The following ENTPD3 variants were observed in gnomAD, a reference collection of about 807,000 sequenced individuals.
ENTPD3 encodes the protein ectonucleoside triphosphate diphosphohydrolase 3, also known as CD39 antigen-like 3.
A neutral mutation model predicts 51.2 loss-of-function variants in ENTPD3; 60 were observed. The observed-to-expected ratio is 1.17, with a 90% CI of 0.95 to 1.45. The LOEUF is 1.45. ENTPD3 is among the 40% of genes most tolerant of loss of function. The probability of loss-of-function intolerance (pLI) is 0.00; values close to 1 mark genes in which losing one functional copy is unlikely to be tolerated. For missense variants in ENTPD3, 593 were observed against 641.1 expected, an observed-to-expected ratio of 0.93 and a Z score of 0.81; for synonymous variants, 221 against 238.4, an observed-to-expected ratio of 0.93 and a Z score of 0.67.
At chr3:40,425,828 G>A (rs1955969738) in intron 10 of ENTPD3, among the ~76,000 whole-genome samples, 1 of 148,444 alleles carries the variant, frequency 6.7e-6, no homozygotes, top group Non-Finnish European at 1.5e-5. Context: ...AAACTGGGAG[G>A]TGGAGGTTGC....
At chr3:40,399,294 T>TC (rs1955287188) in intron 3 of ENTPD3, among the ~76,000 whole-genome samples, 1 of 152,342 alleles carries the variant, frequency 6.6e-6, no homozygotes, top group East Asian at 1.9e-4. Context: ...TGCTTTGTTT[T>TC]CTTTTCTGTT....
chr3:40,417,373 A>C (rs1955769660), intron 7 of ENTPD3, among the ~76,000 whole-genome samples: 1 of 152,210 alleles, frequency 6.6e-6, no homozygotes, highest in Non-Finnish European at 1.5e-5. Context: ...ATCATAGTAG[A>C]AGGCGAAGCG....
rs1384135425 is a variant in ENTPD3 at position 40,420,495 on chromosome 3, T to C, written c.832-2355T>C. On this transcript the variant is annotated intron_variant, in intron 7 of 10. Coordinates refer to ENST00000301825, the MANE Select transcript of ENTPD3 (RefSeq NM_001248.4). The stretch of plus-strand genomic sequence containing the variant: ...ACCTCGTGATCCGCCCGCCTTGGCC[T>C]CCCAAAGTGCTGGAATTACACGTGT... Among the ~76,000 whole-genome samples, 6 of 152,210 alleles carry C rather than the reference T, an allele frequency of 3.9e-5. No homozygotes were observed. In the East Asian group the frequency reaches 9.7e-4, roughly 25 times the overall value.
intron 4 of ENTPD3, 77 bp downstream of exon 4, chr3:40,401,088 T>C (rs1458262015): frequency 1.9e-6 from 1 of 529,514 alleles, no homozygotes; most frequent in African/African-American, 1.8e-5. Context: ...CCTGGAGAGG[T>C]CCTGAGATGT....
chr3:40,427,204 T>C, intron 10 of ENTPD3, 68 bp from the exon 11 acceptor site: 1 of 1,279,238 alleles, frequency 7.8e-7, no homozygotes. Flanking sequence ...GATAGCAGTA[T>C]GACTCCGGTA....
At chr3:40,423,470 G>A (rs1955921954) in intron 9 of ENTPD3, 69 bp downstream of exon 9, 2 of 1,134,390 alleles carry the variant, frequency 1.8e-6, no homozygotes, top group Non-Finnish European at 2.6e-6. Flanking sequence ...CTATGTGTGT[G>A]TATTCTGAAT....
At chr3:40,424,987 T>C (rs748942492) in intron 10 of ENTPD3, 5 of 418,548 alleles carry the variant, frequency 1.2e-5, no homozygotes, top group Non-Finnish European at 2.2e-5. Context: ...TAAATCTAAT[T>C]ACCAGTAAAG....
rs1955909460 is a variant in ENTPD3 at position 40,422,979 on chromosome 3, G to A, written c.961G>A (p.Asp321Asn). The A allele has an allele frequency of 6.2e-7, 1 of 1,613,926 alleles. No homozygotes were observed. The highest frequency in any genetic ancestry group is 8.5e-7 in the Non-Finnish European group (1 of 1,179,992). Residue 321 changes from aspartate (D) to asparagine (N), a missense_variant, in exon 8 of 11, where the codon GAT (aspartate) becomes AAT (asparagine). Asp to Asn is a conservative substitution (Grantham distance 23, BLOSUM62 1). Coordinates refer to ENST00000301825, the MANE Select transcript of ENTPD3 (RefSeq NM_001248.4). ...GAGGCCAGAAAGTTATAACCCCAATGATGTCATCACTTTTGAAGGAACTGG... is the reference window on the plus strand; with the variant it reads ...GAGGCCAGAAAGTTATAACCCCAATAATGTCATCACTTTTGAAGGAACTGG... ...DQRPESYNPNDVITFEGTGDP... is the reference protein window; with the variant it reads ...DQRPESYNPNNVITFEGTGDP...
chr3:40,391,803 C>T lies in ENTPD3; in HGVS notation c.41-220C>T, dbSNP rs114656199. On this transcript the variant is annotated intron_variant, in intron 2 of 10. Coordinates refer to ENST00000301825, the MANE Select transcript of ENTPD3 (RefSeq NM_001248.4). Reference sequence around the variant, plus strand: ...CTCCCTGCAACACTGTTTTAGTACACAATTTGTGAGGAAGGGCAAATAGGT... The same window carrying T: ...CTCCCTGCAACACTGTTTTAGTACATAATTTGTGAGGAAGGGCAAATAGGT... 616 of 589,832 alleles carry T rather than the reference C, an allele frequency of 1.0e-3. 3 individuals carry two copies. The highest frequency in any genetic ancestry group is 7.7e-3 in the African/African-American group (412 of 53,702). The allele number at this position is 589,832 out of a possible 1,614,324, so 36.5% of individuals were successfully genotyped here. A position where few individuals can be genotyped will look rare whatever the true frequency, so the allele number is the denominator to read the frequency against.
chr3:40,422,849 G>T lies in ENTPD3; in HGVS notation c.832-1G>T, dbSNP rs776381505. 1 of 1,609,748 alleles carries T rather than the reference G, an allele frequency of 6.2e-7. No homozygotes were observed. The highest frequency in any genetic ancestry group is 2.2e-5 in the East Asian group (1 of 44,852). ...CTAACACCTTACTCTTATACCTACAGAATTCTCCTACCAAAAACCATCTCA... is the reference window on the plus strand; with the variant it reads ...CTAACACCTTACTCTTATACCTACATAATTCTCCTACCAAAAACCATCTCA... On this transcript the variant is annotated splice_acceptor_variant, in intron 7 of 10. Coordinates refer to ENST00000301825, the MANE Select transcript of ENTPD3 (RefSeq NM_001248.4). LOFTEE classifies it high-confidence loss of function.
rs529200594 is a variant in ENTPD3 at position 40,428,031 on chromosome 3, A to C, written c.*523A>C. 1 of 159,006 alleles carries C rather than the reference A, an allele frequency of 6.3e-6. No individual in the cohort carries two copies. The highest frequency in any genetic ancestry group is 1.9e-4 in the East Asian group (1 of 5,398). The allele number at this position is 159,006 out of a possible 1,614,324, so 9.8% of individuals were successfully genotyped here. A position where few individuals can be genotyped will look rare whatever the true frequency, so the allele number is the denominator to read the frequency against. ...ATATAGTATCTGGGGGAGAAGACTTACTTCCTTCAGGGCAGCAGCCACAGC... is the reference window on the plus strand; with the variant it reads ...ATATAGTATCTGGGGGAGAAGACTTCCTTCCTTCAGGGCAGCAGCCACAGC... On this transcript the variant is annotated 3_prime_UTR_variant, in exon 11 of 11. Coordinates refer to ENST00000301825, the MANE Select transcript of ENTPD3 (RefSeq NM_001248.4).
In ENTPD3 at chr3:40,400,997, A is replaced by C; in HGVS notation, c.272A>C (p.Lys91Thr). The C allele has an allele frequency of 4.3e-6, 7 of 1,612,628 alleles. No individual in the cohort carries two copies. The highest frequency in any genetic ancestry group is 5.9e-6 in the Non-Finnish European group (7 of 1,178,690). Reference sequence around the variant, plus strand: ...ACCGGAGTGGTCAGTCAAACCTTCAAATGTAGTGTGAAAGGTAAGGACTGA... The same window carrying C: ...ACCGGAGTGGTCAGTCAAACCTTCACATGTAGTGTGAAAGGTAAGGACTGA... ...NNTGVVSQTFKCSVKGSGISS... is the reference protein window; with the variant it reads ...NNTGVVSQTFTCSVKGSGISS... The change falls in exon 4 of 11, where the codon AAA becomes ACA. Residue 91 changes from lysine (K) to threonine (T), a missense_variant. Coordinates refer to ENST00000301825, the MANE Select transcript of ENTPD3 (RefSeq NM_001248.4).
chr3:40,399,042 C>T (rs1228381334), intron 3 of ENTPD3, among the ~76,000 whole-genome samples: 5 of 152,054 alleles, frequency 3.3e-5, no homozygotes, highest in Non-Finnish European at 5.9e-5. Context: ...GGAAACATGG[C>T]GAAACCCTGT....
chr3:40,423,242 T>C (rs917995882), intron 8 of ENTPD3, 49 bp from the exon 9 acceptor site: 3 of 1,571,270 alleles, frequency 1.9e-6, no homozygotes, highest in African/African-American at 2.7e-5. Context: ...AACCTTTCTA[T>C]TATACCCCAT....
chr3:40,403,947 C>T (rs17078916), intron 4 of ENTPD3, among the ~76,000 whole-genome samples: 38,297 of 152,072 alleles, frequency 0.25, 5,907 homozygotes, highest in East Asian at 0.51. Flanking sequence ...CTGCACCCAG[C>T]GGATATTTTC....
chr3:40,402,123 C>CTTTTTCTTT (rs1553643067), intron 4 of ENTPD3, among the ~76,000 whole-genome samples: 1 of 95,024 alleles, frequency 1.1e-5, no homozygotes, highest in East Asian at 3.6e-4. Flanking sequence ...TTTTTTTTTT[C>CTTTTTCTTT]TTTTTTTTTT....
At chr3:40,424,430 G>A (rs894291558) in intron 10 of ENTPD3, among the ~76,000 whole-genome samples, 1 of 152,120 alleles carries the variant, frequency 6.6e-6, no homozygotes, top group East Asian at 1.9e-4. Context: ...ACAGGCCTTA[G>A]GGCCTGATGG....
At chr3:40,414,306 G>A (rs1284720870) in intron 5 of ENTPD3, among the ~76,000 whole-genome samples, 1 of 152,174 alleles carries the variant, frequency 6.6e-6, no homozygotes, top group African/African-American at 2.4e-5. Context: ...GCCTCCAAGA[G>A]ATTATTTATG....
At position 40,411,835 on chromosome 3, in the gene ENTPD3, A is replaced by G; in HGVS notation, c.310A>G (p.Asn104Asp). 1.3e-6 allele frequency: 2 copies of G among 1,590,658 alleles called. No homozygotes were observed. Among genetic ancestry groups the G allele is most frequent in the South Asian group, 1.2e-5 (1 of 85,944 alleles). ...AGGCTCTGGAATCTCCAGCTATGGA[A>G]ATAACCCCCAAGATGTCCCCAGAGC... ...VKGSGISSYG[N>D]NPQDVPRAFE... The change falls in exon 5 of 11, where the codon AAT (asparagine) becomes GAT (aspartate). Residue 104 changes from asparagine to aspartate, a missense_variant. Coordinates refer to ENST00000301825, the MANE Select transcript of ENTPD3 (RefSeq NM_001248.4).
Sources: allele counts gnomAD v4.1 joint callset (sites outside exome capture counted in the v4.1 genomes callset), GRCh38; gene constraint gnomAD v4.1.1; transcripts MANE v1.5; gene names NCBI Gene and HGNC (gene_info 2026-07-23, HGNC 2026-07-21).